The following COBLL1 variants were observed in gnomAD, a reference collection of about 807,000 sequenced individuals.
COBLL1 encodes cordon-bleu WH2 repeat protein like 1, also known as cordon-bleu protein-like 1.
In COBLL1, 50 loss-of-function variants were observed where a neutral mutation model predicts 94.8. The ratio of observed to expected loss-of-function variants is 0.53; its 90% CI spans 0.42 to 0.67. COBLL1 has a LOEUF of 0.67. COBLL1 is among the 30% of genes least tolerant of loss of function. The pLI, the probability that COBLL1 is intolerant of heterozygous loss-of-function variation, is 0.00. For synonymous variants in COBLL1, 448 were observed against 473.8 expected, an observed-to-expected ratio of 0.95 and a Z score of 0.71; for missense variants, 1,362 against 1,348.7, an observed-to-expected ratio of 1.01 and a Z score of -0.15.
At chr2:164,838,311 A>G (rs1273824013) in intron 2 of COBLL1, among the ~76,000 whole-genome samples, 2 of 152,192 alleles carry the variant, frequency 1.3e-5, no homozygotes, top group Non-Finnish European at 2.9e-5. Context: ...ATTATTTAGA[A>G]TGTTTCAAAG....
intron 2 of COBLL1, among the ~76,000 whole-genome samples, chr2:164,753,227 C>T (rs1007598211): frequency 6.6e-6 from 1 of 152,108 alleles, no homozygotes; most frequent in Non-Finnish European, 1.5e-5. Flanking sequence ...AAGGGAATGG[C>T]AAACCCAAAA....
chr2:164,717,576 C>T (rs1164695972), intron 7 of COBLL1, among the ~76,000 whole-genome samples: 9 of 152,130 alleles, frequency 5.9e-5, no homozygotes, highest in Admixed American at 5.9e-4. Context: ...TTTTTAAAGA[C>T]ACAGTCTCAC....
chr2:164,664,332 A>G (rs924871737), intron 2 of COBLL1, among the ~76,000 whole-genome samples: 13 of 152,246 alleles, frequency 8.5e-5, no homozygotes, highest in Non-Finnish European at 1.2e-4. Context: ...CCTAATAGCT[A>G]GTATTTTCAG....
intron 4 of COBLL1, 137 bp from the exon 5 acceptor site, chr2:164,728,334 C>G: frequency 1.7e-6 from 1 of 595,536 alleles, no homozygotes; most frequent in Non-Finnish European, 2.9e-6. Context: ...GTGTGAAATT[C>G]TCTTTTTGAT....
At chr2:164,719,534 G>A (rs888137315) in intron 7 of COBLL1, among the ~76,000 whole-genome samples, 1 of 152,118 alleles carries the variant, frequency 6.6e-6, no homozygotes, top group African/African-American at 2.4e-5. Context: ...AGCTTCCACT[G>A]ACTCCTGGTA....
intron 2 of COBLL1, among the ~76,000 whole-genome samples, chr2:164,821,203 T>A (rs529312481): frequency 6.6e-6 from 1 of 152,088 alleles, no homozygotes; most frequent in African/African-American, 2.4e-5. Context: ...AATTTTTAAT[T>A]AGATGAGTAT....
chr2:164,800,411 C>A, intron 2 of COBLL1: 5 of 568,650 alleles, frequency 8.8e-6, no homozygotes, highest in Admixed American at 3.2e-5. Flanking sequence ...ACATAAATAC[C>A]AACGATACTA....
chr2:164,666,074 A>G (rs1394508823), intron 1 of COBLL1, among the ~76,000 whole-genome samples: 1 of 152,250 alleles, frequency 6.6e-6, no homozygotes, highest in Non-Finnish European at 1.5e-5. Flanking sequence ...TGATCACTAT[A>G]TAGTTTATGT....
chr2:164,819,337 T>A (rs1286703679), intron 2 of COBLL1, among the ~76,000 whole-genome samples: 1 of 151,994 alleles, frequency 6.6e-6, no homozygotes, highest in Non-Finnish European at 1.5e-5. Context: ...AGAATGGACA[T>A]ACAAACATAA....
chr2:164,730,594 A>C (rs561766799), intron 3 of COBLL1, among the ~76,000 whole-genome samples: 1 of 152,322 alleles, frequency 6.6e-6, no homozygotes, highest in Admixed American at 6.5e-5. Flanking sequence ...AAATTGTAAT[A>C]GTTAAAAAGT....
At chr2:164,714,646 C>T (rs1685073898) in intron 7 of COBLL1, among the ~76,000 whole-genome samples, 1 of 152,124 alleles carries the variant, frequency 6.6e-6, no homozygotes, top group Admixed American at 6.6e-5. Flanking sequence ...ATCCCAGGGA[C>T]ACCTTAAGGT....
intron 2 of COBLL1, among the ~76,000 whole-genome samples, chr2:164,767,163 C>T (rs1261707569): frequency 6.6e-6 from 1 of 152,160 alleles, no homozygotes; most frequent in Non-Finnish European, 1.5e-5. Context: ...GTCGCTTATG[C>T]AACAATGGGC....
At chr2:164,664,751 A>G (rs1339429037) in intron 2 of COBLL1, among the ~76,000 whole-genome samples, 1 of 152,222 alleles carries the variant, frequency 6.6e-6, no homozygotes, top group East Asian at 1.9e-4. Flanking sequence ...TTCTCTATTT[A>G]CAACAGAGCA....
intron 2 of COBLL1, among the ~76,000 whole-genome samples, chr2:164,794,636 C>A (rs1683349010): frequency 6.6e-6 from 1 of 152,090 alleles, no homozygotes; most frequent in African/African-American, 2.4e-5. Flanking sequence ...CAGTCAAGTG[C>A]ACACTCCTGA....
intron 2 of COBLL1, chr2:164,837,560 G>T: frequency 2.3e-6 from 1 of 430,418 alleles, no homozygotes; most frequent in Non-Finnish European, 4.7e-6. Context: ...ATATAAAAAT[G>T]ATTTATCATT....
At chr2:164,750,506 G>A (rs980715631) in intron 2 of COBLL1, among the ~76,000 whole-genome samples, 1 of 152,054 alleles carries the variant, frequency 6.6e-6, no homozygotes, top group Non-Finnish European at 1.5e-5. Flanking sequence ...GGTAATCAAG[G>A]CATCATCTTT....
At chr2:164,789,359 C>T (rs1193868873) in intron 2 of COBLL1, among the ~76,000 whole-genome samples, 1 of 151,994 alleles carries the variant, frequency 6.6e-6, no homozygotes, top group Non-Finnish European at 1.5e-5. Context: ...TGTGTTTAGC[C>T]AGATGGTACC....
intron 2 of COBLL1, among the ~76,000 whole-genome samples, chr2:164,775,667 T>C (rs1688428544): frequency 6.6e-6 from 1 of 152,148 alleles, no homozygotes; most frequent in African/African-American, 2.4e-5. Flanking sequence ...TTCACCATGT[T>C]GGCCTCGAAC....
chr2:164,670,323 G>T (rs1484071183), intron 1 of COBLL1, among the ~76,000 whole-genome samples: 1 of 152,096 alleles, frequency 6.6e-6, no homozygotes, highest in Non-Finnish European at 1.5e-5. Flanking sequence ...GGTTGTTTCT[G>T]GATCATAAAA....
Sources: allele counts gnomAD v4.1 joint callset (sites outside exome capture counted in the v4.1 genomes callset), GRCh38; gene constraint gnomAD v4.1.1; transcripts MANE v1.5; gene names NCBI Gene and HGNC (gene_info 2026-07-23, HGNC 2026-07-21).